Variants in KREMEN1 observed in about 807,000 individuals in gnomAD.
The protein encoded by KREMEN1 is kremen protein 1.
A neutral mutation model predicts 46.5 loss-of-function variants in KREMEN1; 30 were observed. The ratio of observed to expected loss-of-function variants is 0.65; its 90% confidence interval spans 0.48 to 0.88. The LOEUF (loss-of-function observed/expected upper bound fraction) is 0.88. KREMEN1 is among the 40% of genes least tolerant of loss of function. The pLI is 0.00. For missense variants in KREMEN1, 533 were observed against 596.9 expected, an observed-to-expected ratio of 0.89 and a Z score of 1.11; for synonymous variants, 214 against 230.6, an observed-to-expected ratio of 0.93 and a Z score of 0.65.
At chr22:29,160,762 C>T (rs1174171946) in intron 9 of KREMEN1, among the ~76,000 whole-genome samples, 1 of 152,148 alleles carries the variant, frequency 6.6e-6, no homozygotes, top group African/African-American at 2.4e-5. Context: ...GTGCTCAATG[C>T]CTACCTCAAG....
At chr22:29,152,709 T>C (rs117963219) in intron 9 of KREMEN1, among the ~76,000 whole-genome samples, 3,130 of 152,126 alleles carry the variant, frequency 0.021, 59 homozygotes, top group Non-Finnish European at 0.023. Flanking sequence ...CCTTTCCTTT[T>C]TTTCCTCTCT....
At position 29,131,165 on chromosome 22, in the gene KREMEN1, A is replaced by G. The variant is rs1320870426; in HGVS notation, c.631+5749A>G. Among the ~76,000 whole-genome samples the G allele has an allele frequency of 3.9e-5, 6 of 152,160 alleles. No homozygotes were observed. The East Asian group carries it at 1.2e-3, about 29-fold the overall frequency. On this transcript the variant is annotated intron_variant, in intron 5 of 8. Coordinates refer to ENST00000400335, the MANE Select transcript of KREMEN1 (RefSeq NM_001039570.3). ...AGCATTGCTCCTGCTAATTCTCATGACCCCACGAGAGAGAAACTATTACCA... is the reference window on the plus strand; with the variant it reads ...AGCATTGCTCCTGCTAATTCTCATGGCCCCACGAGAGAGAAACTATTACCA...
At chr22:29,112,643 A>G (rs1478624939) in intron 3 of KREMEN1, among the ~76,000 whole-genome samples, 4 of 152,216 alleles carry the variant, frequency 2.6e-5, no homozygotes, top group African/African-American at 7.2e-5. Flanking sequence ...TTGAAGCCTC[A>G]GCTAAGATAA....
At chr22:29,141,451 G>A (rs1002612971) in intron 8 of KREMEN1, among the ~76,000 whole-genome samples, 6 of 152,230 alleles carry the variant, frequency 3.9e-5, no homozygotes, top group African/African-American at 1.2e-4. Context: ...AGGCCCTAAA[G>A]TGCATGCCTA....
chr22:29,139,365 G>T (rs1353726670), intron 7 of KREMEN1, among the ~76,000 whole-genome samples: 3 of 152,210 alleles, frequency 2.0e-5, no homozygotes, highest in African/African-American at 7.2e-5. Context: ...ACTTTGGGAG[G>T]CCGAGGCAGG....
At chr22:29,119,650 C>G (rs1274731570) in intron 3 of KREMEN1, among the ~76,000 whole-genome samples, 4 of 152,204 alleles carry the variant, frequency 2.6e-5, no homozygotes, top group Non-Finnish European at 5.9e-5. Flanking sequence ...GAGTGCATAG[C>G]AGAATCATTG....
intron 2 of KREMEN1, among the ~76,000 whole-genome samples, chr22:29,097,793 T>A (rs1165883244): frequency 6.6e-6 from 1 of 152,070 alleles, no homozygotes; most frequent in South Asian, 2.1e-4. Flanking sequence ...TAGAGATACT[T>A]TATAAGAGTT....
chr22:29,148,346 G>A (rs539124615), downstream of KREMEN1, among the ~76,000 whole-genome samples: 2 of 152,334 alleles, frequency 1.3e-5, no homozygotes, highest in South Asian at 4.1e-4. Context: ...AGCGTCCTGG[G>A]ATGCACTGAG....
intron 9 of KREMEN1, chr22:29,154,515 A>T (rs1158815258): frequency 1.3e-5 from 2 of 152,306 alleles, no homozygotes; most frequent in African/African-American, 2.4e-5. Context: ...AGAGGTAAGG[A>T]GCTGCCCGCC....
chr22:29,167,854 G>A (rs2039067269), exon 10 of KREMEN1: 1 of 152,156 alleles, frequency 6.6e-6, no homozygotes, highest in African/African-American at 2.4e-5. Context: ...CCACTCCTGA[G>A]CGCCACATCC....
chr22:29,109,355 A>G (rs192135860), intron 3 of KREMEN1, among the ~76,000 whole-genome samples: 2 of 152,306 alleles, frequency 1.3e-5, no homozygotes, highest in East Asian at 1.9e-4. Flanking sequence ...TAGCCCCTCA[A>G]TCTTATGATG....
At chr22:29,146,897 A>T, downstream of KREMEN1, 1 of 626,326 alleles carries the variant, frequency 1.6e-6, no homozygotes, top group African/African-American at 2.0e-5. Flanking sequence ...CTGTGGTGGG[A>T]TTCCTGCCTC....
At chr22:29,105,160 G>A (rs955841112) in intron 3 of KREMEN1, among the ~76,000 whole-genome samples, 1 of 152,186 alleles carries the variant, frequency 6.6e-6, no homozygotes, top group Non-Finnish European at 1.5e-5. Context: ...TGTCTGGCAT[G>A]GTAGGGAGGC....
chr22:29,076,057 TC>T (rs1479948546), intron 1 of KREMEN1, among the ~76,000 whole-genome samples: 3 of 152,148 alleles, frequency 2.0e-5, no homozygotes, highest in Non-Finnish European at 4.4e-5. Context: ...AGACTTTCCT[TC>T]AAGGAGGAGT....
chr22:29,114,041 T>A (rs1029561423), intron 3 of KREMEN1, among the ~76,000 whole-genome samples: 1 of 152,148 alleles, frequency 6.6e-6, no homozygotes, highest in African/African-American at 2.4e-5. Context: ...AGACTGAATG[T>A]TTGTCCCCCA....
chr22:29,145,754 G>A lies in KREMEN1; in HGVS notation c.*3642G>A, dbSNP rs550448124. The A allele has an allele frequency of 6.3e-5, 62 of 985,544 alleles. No individual in the cohort carries two copies. Among genetic ancestry groups the A allele is most frequent in the African/African-American group, 2.4e-4 (14 of 57,374 alleles). 61.0% of individuals were successfully genotyped at this position (985,544 alleles called of 1,614,324 possible). ...GCTTGAGGCCTCTCTGGGCGTGAGC[G>A]AGGAAACCAGGCTGCTCTAACTTCT... On this transcript the variant is annotated 3_prime_UTR_variant, in exon 9 of 9. Coordinates refer to ENST00000400335, the MANE Select transcript of KREMEN1 (RefSeq NM_001039570.3).
Position 29,145,789 on chromosome 22 carries a change from G to T in KREMEN1, c.*3677G>T. The T allele has an allele frequency of 1.0e-6, 1 of 985,520 alleles. No homozygotes were observed. The highest frequency in any genetic ancestry group is 1.2e-6 in the Non-Finnish European group (1 of 829,982). The allele number at this position is 985,520 out of a possible 1,614,324, so 61.0% of individuals were successfully genotyped here. On this transcript the variant is annotated 3_prime_UTR_variant, in exon 9 of 9. Coordinates refer to ENST00000400335, the MANE Select transcript of KREMEN1 (RefSeq NM_001039570.3). ...GGCTGCTCTAACTTCTGAAGAGTGG[G>T]CTCTGGCTCAAGACTCCAATCGGCC...
rs924214867 is a variant in KREMEN1 at position 29,146,094 on chromosome 22, G to A, written c.*3982G>A. On this transcript the variant is annotated 3_prime_UTR_variant, in exon 9 of 9. Coordinates refer to ENST00000400335, the MANE Select transcript of KREMEN1 (RefSeq NM_001039570.3). ...GCTGAGGTCAGGCCAGGTCTCCCAC[G>A]GAGCCGGGCAGCTCCACACCCCACC... The A allele has an allele frequency of 1.7e-5, 17 of 985,726 alleles. No individual in the cohort carries two copies. The African/African-American group carries it at 2.1e-4, about 12-fold the overall frequency. The allele number at this position is 985,726 out of a possible 1,614,324, so 61.1% of individuals were successfully genotyped here. A position where few individuals can be genotyped will look rare whatever the true frequency, so the allele number is the denominator to read the frequency against.
chr22:29,079,132 C>T (rs189485784), intron 1 of KREMEN1, among the ~76,000 whole-genome samples: 274 of 152,264 alleles, frequency 1.8e-3, no homozygotes, highest in African/African-American at 6.1e-3. Flanking sequence ...AAGAGGCCAT[C>T]GCAAAAAAAT....
Sources: allele counts gnomAD v4.1 joint callset (sites outside exome capture counted in the v4.1 genomes callset), GRCh38; gene constraint gnomAD v4.1.1; transcripts MANE v1.5; gene names NCBI Gene and HGNC (gene_info 2026-07-23, HGNC 2026-07-21).